Variants in DNAAF8 observed in about 807,000 individuals in gnomAD.
The protein encoded by DNAAF8 is dynein axonemal-associated protein 1.
A neutral mutation model predicts 54.6 loss-of-function variants in DNAAF8; 61 were observed. The observed-to-expected ratio is 1.12, with a 90% CI of 0.91 to 1.38. DNAAF8 has a LOEUF of 1.38. DNAAF8 is among the 40% of genes most tolerant of loss of function. The pLI, the probability that DNAAF8 is intolerant of heterozygous loss-of-function variation, is 0.00. For missense variants in DNAAF8, 837 were observed against 665.0 expected (o/e 1.26, Z -2.85); for synonymous variants, 320 against 270.1 (o/e 1.18, Z -1.81).
Position 4,740,563 on chromosome 16 carries a change from G to A in DNAAF8, c.687G>A (p.Gly229=), listed in dbSNP as rs746612080. 1.2e-6 allele frequency: 2 copies of A among 1,613,930 alleles called. No homozygotes were observed. The highest frequency in any genetic ancestry group is 1.7e-6 in the Non-Finnish European group (2 of 1,180,032). ...ACGPTSSDKG[G]VKEAPCHAAE... ...GCCCGACCAGCAGTGACAAAGGTGGGGTGAAGGAGGCGCCCTGCCACGCTG... is the reference window on the plus strand; with the variant it reads ...GCCCGACCAGCAGTGACAAAGGTGGAGTGAAGGAGGCGCCCTGCCACGCTG... The change falls in exon 4 of 10, where the codon GGG becomes GGA. Residue 229 remains glycine (G), a synonymous_variant. Transcript: ENST00000299320.
intron 3 of DNAAF8, among the ~76,000 whole-genome samples, chr16:4,738,835 G>C (rs1396258110): frequency 6.6e-6 from 1 of 152,048 alleles, no homozygotes. Flanking sequence ...AGTGAGCCAA[G>C]ATCACACCAC....
chr16:4,740,582 C>T lies in DNAAF8; in HGVS notation c.706C>T (p.His236Tyr), dbSNP rs977944813. 1.2e-6 allele frequency: 2 copies of T among 1,613,432 alleles called. No individual in the cohort carries two copies. The highest frequency in any genetic ancestry group is 3.3e-5 in the Admixed American group (2 of 59,994). The change falls in exon 4 of 10, where the codon CAC (histidine) becomes TAC (tyrosine). Residue 236 changes from histidine (H) to tyrosine (Y), a missense_variant. Transcript: ENST00000299320. The part of the protein sequence containing the change: ...DKGGVKEAPC[H>Y]AAESAPRSKM... ...AGGTGGGGTGAAGGAGGCGCCCTGC[C>T]ACGCTGCGGAGTCAGCTCCCAGATC...
At chr16:4,744,081 C>T (rs1596485463) in intron 5 of DNAAF8, among the ~76,000 whole-genome samples, 1 of 151,964 alleles carries the variant, frequency 6.6e-6, no homozygotes, top group Non-Finnish European at 1.5e-5. Context: ...AGGCACGTGC[C>T]ACCACGCCTG....
Position 4,737,938 on chromosome 16 carries a change from C to T in DNAAF8, c.268C>T (p.Leu90Phe). 2 of 1,614,226 alleles carry T rather than the reference C, an allele frequency of 1.2e-6. No homozygotes were observed. Among genetic ancestry groups the T allele is most frequent in the South Asian group, 2.2e-5 (2 of 91,090 alleles). ...RAWVAAAEES[L>F]PEPVLVPAEL... ...CTGGGTCGCTGCAGCTGAAGAGTCC[C>T]TTCCCGAGGTCTGTGGGACACAGAA... The change falls in exon 3 of 10, where the codon CTT becomes TTT. Residue 90 changes from leucine (L) to phenylalanine (F), a missense_variant. Transcript: ENST00000299320.
Position 4,740,548 on chromosome 16 carries a change from CA to C in DNAAF8, c.673del (p.Ser225ValfsTer6), listed in dbSNP as rs1256159195. 1.2e-6 allele frequency: 2 copies of C among 1,613,910 alleles called. No individual in the cohort carries two copies. Among genetic ancestry groups the C allele is most frequent in the Non-Finnish European group, 1.7e-6 (2 of 1,180,030 alleles). On this transcript the variant is annotated frameshift_variant, in exon 4 of 10. Transcript: ENST00000299320. LOFTEE classifies it high-confidence loss of function. ...VTRDACGPTSSDKGGVKEAPC... is the reference protein window; with the variant it reads ...VTRDACGPTSXDKGGVKEAPC... ...CCCGGGATGCCTGCGGCCCGACCAG[CA>C]GTGACAAAGGTGGGGTGAAGGAGGC...
At chr16:4,741,484 C>T (rs1471826800) in intron 4 of DNAAF8, among the ~76,000 whole-genome samples, 1 of 152,052 alleles carries the variant, frequency 6.6e-6, no homozygotes, top group Admixed American at 6.6e-5. Flanking sequence ...GATGACAGTG[C>T]CGGTTTAATG....
At chr16:4,744,794 T>A in intron 5 of DNAAF8, 76 bp from the exon 6 acceptor site, 1 of 1,508,126 alleles carries the variant, frequency 6.6e-7, no homozygotes, top group Admixed American at 1.7e-5. Flanking sequence ...ACCCCAGGGG[T>A]CCTGAGGCTC....
chr16:4,740,282 C>T lies in DNAAF8; in HGVS notation c.406C>T (p.Leu136Phe), dbSNP rs762580874. The change falls in exon 4 of 10, where the codon CTT becomes TTT. Residue 136 changes from leucine (L) to phenylalanine (F), a missense_variant. Leu to Phe is a conservative substitution (Grantham distance 22). Transcript: ENST00000299320. ...PFESSGEVSA[L>F]LGMAEEPPRW... ...TGAAAGCTCTGGTGAGGTCAGCGCT[C>T]TTCTTGGGATGGCCGAGGAGCCCCC... 4.3e-6 allele frequency: 7 copies of T among 1,613,996 alleles called. No homozygotes were observed. Among genetic ancestry groups the T allele is most frequent in the African/African-American group, 2.7e-5 (2 of 74,998 alleles).
At chr16:4,734,759 G>C (rs1053302515) in intron 1 of DNAAF8, 61 bp downstream of exon 1, 8 of 152,296 alleles carry the variant, frequency 5.3e-5, no homozygotes, top group African/African-American at 1.9e-4. Context: ...GGAAATACGG[G>C]CTGGGGGTGG....
chr16:4,743,571 CAAA>C, intron 5 of DNAAF8: 1 of 160,352 alleles, frequency 6.2e-6, no homozygotes, highest in Non-Finnish European at 1.4e-5. Context: ...AAAAGGGAGG[CAAA>C]GGATGTCACC....
In DNAAF8 at chr16:4,747,451, G is replaced by C. The variant is rs1405589187; in HGVS notation, c.1389G>C (p.Gln463His). ...AGGGGCCCGCGGGTGGGAGGGCTCA[G>C]GCCCCTGAAGACACAGCTGGATCAC... ...ASKGPAGGRAQAPEDTAGSRT... is the reference protein window; with the variant it reads ...ASKGPAGGRAHAPEDTAGSRT... The change falls in exon 9 of 10, where the codon CAG (glutamine) becomes CAC (histidine). Residue 463 changes from glutamine to histidine, a missense_variant. By Grantham distance (24) the Gln-to-His change is conservative. Coordinates refer to ENST00000299320, the MANE Select transcript of DNAAF8 (RefSeq NM_139170.3). 6.2e-7 allele frequency: 1 copy of C among 1,613,174 alleles called. No homozygotes were observed. Among genetic ancestry groups the C allele is most frequent in the Non-Finnish European group, 8.5e-7 (1 of 1,179,992 alleles).
intron 1 of DNAAF8, chr16:4,735,071 T>C: frequency 6.6e-6 from 1 of 152,400 alleles, no homozygotes; most frequent in Non-Finnish European, 1.5e-5. Context: ...CTGGTCCGTT[T>C]TCACCGGAGA....
chr16:4,743,537 C>T (rs1021047879), intron 5 of DNAAF8: 14 of 166,914 alleles, frequency 8.4e-5, no homozygotes, highest in Middle Eastern at 2.6e-3. Flanking sequence ...AGCACGCTCC[C>T]GCTTCCCCTG....
In DNAAF8 at chr16:4,737,850, C is replaced by T. The variant is rs200644126; in HGVS notation, c.180C>T (p.Ser60=). 2.0e-5 allele frequency: 32 copies of T among 1,614,150 alleles called. No homozygotes were observed. The highest frequency in any genetic ancestry group is 2.6e-5 in the Non-Finnish European group (31 of 1,179,980). The change falls in exon 3 of 10, where the codon TCC becomes TCT. Residue 60 remains serine, a synonymous_variant. Transcript: ENST00000299320. ...TCATCTTCCAGCGAAACCAAACCTC[C>T]CTGATTCCAGACCTGTCGGAGGAGC... ...ELFIFQRNQT[S]LIPDLSEELA...
At chr16:4,738,640 T>C (rs576754725) in intron 3 of DNAAF8, among the ~76,000 whole-genome samples, 2 of 152,234 alleles carry the variant, frequency 1.3e-5, no homozygotes, top group East Asian at 3.9e-4. Context: ...CCCAGCATTT[T>C]AGGAGGCCAG....
chr16:4,747,727 A>C, intron 9 of DNAAF8, 93 bp downstream of exon 9: 1 of 1,403,672 alleles, frequency 7.1e-7, no homozygotes, highest in Non-Finnish European at 9.5e-7. Flanking sequence ...TTCCACTAGC[A>C]GGGGCATTCC....
intron 9 of DNAAF8, among the ~76,000 whole-genome samples, chr16:4,747,877 C>T (rs1351463520): frequency 3.3e-5 from 5 of 152,128 alleles, no homozygotes; most frequent in African/African-American, 9.7e-5. Flanking sequence ...GGGCCTGGTC[C>T]TCTGAGGGAG....
intron 4 of DNAAF8, among the ~76,000 whole-genome samples, chr16:4,741,103 G>T (rs1196568629): frequency 6.6e-6 from 1 of 151,402 alleles, no homozygotes; most frequent in Non-Finnish European, 1.5e-5. Context: ...GTGTGGTGGC[G>T]GGCGCCTGTA....
intron 6 of DNAAF8, 149 bp from the exon 7 acceptor site, chr16:4,746,226 A>G: frequency 1.2e-6 from 1 of 850,352 alleles, no homozygotes; most frequent in Non-Finnish European, 1.8e-6. Context: ...TCTGAAGAGT[A>G]AAAGAGCAAA....
Sources: gnomAD v4.1 joint callset for allele counts (sites outside exome capture counted in the v4.1 genomes callset) on GRCh38, gnomAD v4.1.1 for gene constraint, MANE v1.5 for transcripts, NCBI Gene and HGNC (gene_info 2026-07-23, HGNC 2026-07-21) for gene names.